Variants in DGKB observed in about 807,000 individuals in gnomAD.
The protein encoded by DGKB is 90 kDa diacylglycerol kinase.
DGKB carries 67 observed loss-of-function variants against 114.3 expected under a neutral mutation model. The observed-to-expected ratio is 0.59, with a 90% CI of 0.48 to 0.72. DGKB has a LOEUF of 0.72. DGKB is among the 30% of genes least tolerant of loss of function. DGKB has a pLI of 0.00. For synonymous variants in DGKB, 398 were observed against 323.1 expected (o/e 1.23, Z -2.49); for missense variants, 907 against 975.2 (o/e 0.93, Z 0.93).
chr7:14,632,404 A>T (rs1186435461), intron 13 of DGKB, among the ~76,000 whole-genome samples: 1 of 151,590 alleles, frequency 6.6e-6, no homozygotes, highest in Non-Finnish European at 1.5e-5. Flanking sequence ...ATATATATAC[A>T]CATACATATA....
chr7:14,174,986 A>T (rs1415841360), intron 25 of DGKB, among the ~76,000 whole-genome samples: 2 of 152,244 alleles, frequency 1.3e-5, no homozygotes, highest in Non-Finnish European at 2.9e-5. Context: ...AGTAATGTTT[A>T]TGTGTTATAC....
At chr7:14,457,874 G>A (rs1048086699) in intron 21 of DGKB, among the ~76,000 whole-genome samples, 4 of 152,158 alleles carry the variant, frequency 2.6e-5, no homozygotes, top group African/African-American at 9.7e-5. Flanking sequence ...ACATGAGAAG[G>A]ACTACTGGTG....
chr7:14,718,458 C>T lies in DGKB; in HGVS notation c.466+84G>A, dbSNP rs1828577355. On this transcript the variant is annotated intron_variant, in intron 6 of 25. Transcript: ENST00000402815. ...ATTCAACAAAAATTATACAACTATA[C>T]TAATGCAATTTTAAGTTAATCAATA... The T allele has an allele frequency of 5.5e-6, 7 of 1,274,048 alleles. No homozygotes were observed. The South Asian group carries it at 1.0e-4, about 19-fold the overall frequency. 78.9% of individuals were successfully genotyped at this position (1,274,048 alleles called of 1,614,324 possible). A position where few individuals can be genotyped will look rare whatever the true frequency, so the allele number is the denominator to read the frequency against.
At chr7:14,545,834 T>C (rs772066216) in intron 20 of DGKB, among the ~76,000 whole-genome samples, 3 of 152,204 alleles carry the variant, frequency 2.0e-5, no homozygotes, top group Admixed American at 1.3e-4. Flanking sequence ...AGAAAGGCCA[T>C]ATGAAGAACT....
intron 13 of DGKB, among the ~76,000 whole-genome samples, chr7:14,638,926 T>A (rs1343428772): frequency 6.6e-6 from 1 of 152,072 alleles, no homozygotes; most frequent in Non-Finnish European, 1.5e-5. Context: ...TAATCATGGC[T>A]ACTCAGGAGG....
chr7:14,601,297 C>G (rs183079473), intron 17 of DGKB, among the ~76,000 whole-genome samples: 1 of 152,240 alleles, frequency 6.6e-6, no homozygotes, highest in Admixed American at 6.5e-5. Flanking sequence ...TGCTCTGAAT[C>G]CCTCTTTGAA....
intron 1 of DGKB, among the ~76,000 whole-genome samples, chr7:14,929,433 A>C (rs2128250225): frequency 6.6e-6 from 1 of 151,756 alleles, no homozygotes; most frequent in East Asian, 1.9e-4. Flanking sequence ...TTCTGATCGG[A>C]GTAAGGTTGT....
At chr7:14,432,954 T>C (rs1225452726) in intron 21 of DGKB, among the ~76,000 whole-genome samples, 1 of 152,138 alleles carries the variant, frequency 6.6e-6, no homozygotes, top group East Asian at 1.9e-4. Flanking sequence ...ATGCAATGAA[T>C]GGAAGGAATT....
At chr7:14,701,808 T>G in intron 6 of DGKB, 78 bp from the exon 7 acceptor site, 1 of 980,386 alleles carries the variant, frequency 1.0e-6, no homozygotes, top group Non-Finnish European at 1.6e-6. Context: ...TCATTAAAAT[T>G]TAGTTTGTGT....
intron 13 of DGKB, among the ~76,000 whole-genome samples, chr7:14,663,877 G>A (rs183421670): frequency 2.3e-3 from 356 of 151,814 alleles, no homozygotes; most frequent in African/African-American, 7.6e-3. Context: ...TAACACTTCT[G>A]AAAAGAGGCA....
At chr7:14,284,917 C>T (rs550539920) in intron 23 of DGKB, among the ~76,000 whole-genome samples, 10 of 149,814 alleles carry the variant, frequency 6.7e-5, no homozygotes, top group East Asian at 2.0e-4. Flanking sequence ...TGCTAGATGA[C>T]GAGTTAGTGG....
chr7:14,956,261 G>A (rs1587454212), intron 1 of DGKB, among the ~76,000 whole-genome samples: 1 of 151,986 alleles, frequency 6.6e-6, no homozygotes, highest in African/African-American at 2.4e-5. Flanking sequence ...CAGTGCATTT[G>A]AATAGTAGAA....
chr7:14,637,793 T>A (rs1208014690), intron 13 of DGKB, among the ~76,000 whole-genome samples: 1 of 151,870 alleles, frequency 6.6e-6, no homozygotes, highest in African/African-American at 2.4e-5. Flanking sequence ...TAACCTAAAA[T>A]TTTTTTAGAA....
chr7:14,419,821 T>C (rs975289465), intron 21 of DGKB, among the ~76,000 whole-genome samples: 21 of 151,992 alleles, frequency 1.4e-4, no homozygotes, highest in Admixed American at 1.3e-3. Context: ...GCTTGTTTCA[T>C]GAAGATAAGA....
At chr7:14,882,067 TA>T (rs150465439) in intron 1 of DGKB, among the ~76,000 whole-genome samples, 16 of 151,630 alleles carry the variant, frequency 1.1e-4, no homozygotes, top group South Asian at 2.1e-4. Context: ...ATTTTTAACT[TA>T]AAAAAAAATT....
At chr7:14,906,447 CTTTTTTTTT>C (rs34250901), upstream of DGKB, among the ~76,000 whole-genome samples, 1,899 of 103,890 alleles carry the variant, frequency 0.018, 37 homozygotes, top group African/African-American at 0.058. Flanking sequence ...TTTTTTCTGT[CTTTTTTTTT>C]TTTTTTTTTT....
intron 2 of DGKB, among the ~76,000 whole-genome samples, chr7:14,839,517 T>C (rs1847627277): frequency 6.8e-6 from 1 of 147,012 alleles, no homozygotes; most frequent in African/African-American, 2.5e-5. Flanking sequence ...TCCTCTCACC[T>C]CAGCCTGCCA....
At chr7:14,636,096 A>T (rs1361631867) in intron 13 of DGKB, among the ~76,000 whole-genome samples, 1 of 151,690 alleles carries the variant, frequency 6.6e-6, no homozygotes, top group African/African-American at 2.4e-5. Flanking sequence ...TCTCATGCCA[A>T]AGTATTTTCT....
rs1382749734 is a variant in DGKB at position 14,642,727 on chromosome 7, A to T, written c.1135-12459T>A. Among the ~76,000 whole-genome samples the T allele has an allele frequency of 2.0e-5, 3 of 152,214 alleles. No homozygotes were observed. The East Asian group carries it at 5.8e-4, about 29-fold the overall frequency. ...GTGAAATAAATTTGAGTTTTAACTT[A>T]ATTTTGGCACAAACTTACTACATTT... On this transcript the variant is annotated intron_variant, in intron 13 of 25. Transcript: ENST00000402815.
Sources: allele counts gnomAD v4.1 joint callset (sites outside exome capture counted in the v4.1 genomes callset), GRCh38; gene constraint gnomAD v4.1.1; transcripts MANE v1.5; gene names NCBI Gene and HGNC (gene_info 2026-07-23, HGNC 2026-07-21).